NBPF12: variants seen among roughly 807,000 people sequenced by gnomAD.
NBPF12 encodes NBPF member 12.
NBPF12 carries 115 observed loss-of-function variants against 146.4 expected under a neutral mutation model. The observed-to-expected ratio is 0.79, with a 90% CI of 0.68 to 0.92. NBPF12 has a LOEUF of 0.92. Ranked by LOEUF, NBPF12 falls within the 40% of genes least tolerant of loss-of-function variation. NBPF12 has a pLI of 0.00. For missense variants in NBPF12, 1,205 were observed against 1,326.8 expected, an observed-to-expected ratio of 0.91 and a Z score of 1.43; for synonymous variants, 385 against 508.9, an observed-to-expected ratio of 0.76 and a Z score of 3.28.
At chr1:146,972,677 C>T (rs1656731508) in intron 13 of NBPF12, 74 bp from the exon 17 acceptor site, 5 of 1,195,334 alleles carry the variant, frequency 4.2e-6, no homozygotes, top group African/African-American at 3.0e-5. Context: ...CCAGTGACAT[C>T]CCTCAGTCCT....
upstream of NBPF12, among the ~76,000 whole-genome samples, chr1:146,947,197 C>T (rs1428108714): frequency 6.6e-6 from 1 of 151,566 alleles, no homozygotes; most frequent in Non-Finnish European, 1.5e-5. Flanking sequence ...TAAGATTCCC[C>T]CTTAGTCTGG....
chr1:146,995,960 G>A (rs1160460272), exon 34 of NBPF12: 1 of 149,928 alleles, frequency 6.7e-6, no homozygotes, highest in African/African-American at 2.5e-5. Flanking sequence ...GCAAATTTTG[G>A]GTCTCAATTT....
chr1:146,984,876 T>G (rs1191270509), exon 22 of NBPF12: 423,820 of 1,409,058 alleles, frequency 0.3, 56,342 homozygotes, highest in South Asian at 0.49. Flanking sequence ...TGGATAGATG[T>G]TATTCAACTC....
At chr1:146,948,841 G>C (rs1213971841), upstream of NBPF12, among the ~76,000 whole-genome samples, 12 of 151,584 alleles carry the variant, frequency 7.9e-5, 1 homozygote, top group South Asian at 6.3e-4. Flanking sequence ...GGAATGTCTC[G>C]GTGTAAAGCC....
At chr1:146,962,606 C>G (rs1263658254) in intron 5 of NBPF12, among the ~76,000 whole-genome samples, 1 of 151,564 alleles carries the variant, frequency 6.6e-6, no homozygotes, top group East Asian at 1.9e-4. Context: ...TGAGAATCAC[C>G]TTCTGACTGA....
chr1:146,973,572 G>A (rs1328945041), intron 14 of NBPF12, among the ~76,000 whole-genome samples: 3 of 149,228 alleles, frequency 2.0e-5, no homozygotes, highest in Admixed American at 6.7e-5. Context: ...AGTAGAGCAC[G>A]AGGTCAGGAG....
intron 28 of NBPF12, among the ~76,000 whole-genome samples, 177 bp from the exon 32 acceptor site, chr1:146,990,289 C>G (rs1216777286): frequency 2.0e-5 from 1 of 50,148 alleles, no homozygotes; most frequent in South Asian, 1.7e-3. Context: ...GTTTCTGGGA[C>G]AAAAACCAAG....
At chr1:146,957,836 A>T (rs1170947988) in intron 2 of NBPF12, among the ~76,000 whole-genome samples, 30,495 of 118,880 alleles carry the variant, frequency 0.26, 7,893 homozygotes, top group South Asian at 0.47. Flanking sequence ...AGAAAAAAAA[A>T]ATATAATATA....
intron 14 of NBPF12, 53 bp downstream of exon 17, chr1:146,973,013 T>C: frequency 1.2e-6 from 1 of 834,974 alleles, no homozygotes; most frequent in Non-Finnish European, 2.1e-6. Flanking sequence ...TCCTGTCTTC[T>C]CTCTGAGAAA....
chr1:146,952,200 G>T (rs1334164540), intron 2 of NBPF12, among the ~76,000 whole-genome samples: 4,395 of 151,876 alleles, frequency 0.029, 171 homozygotes, highest in African/African-American at 0.1. Flanking sequence ...ATTCAGGCAG[G>T]TTTATTGAAA....
intron 1 of NBPF12, among the ~76,000 whole-genome samples, 185 bp from the exon 5 acceptor site, chr1:146,951,163 G>A (rs1655307855): frequency 6.6e-6 from 1 of 152,096 alleles, no homozygotes. Flanking sequence ...CCACCATGAA[G>A]TTGGGATTCA....
At position 146,958,041 on chromosome 1, in the gene NBPF12, TATTATATACATATAC is replaced by T. The variant is rs2101838408; in HGVS notation, c.-183-1816_-183-1802del. Among the ~76,000 whole-genome samples the T allele has an allele frequency of 4.4e-3, 496 of 112,168 alleles. 11 individuals carry two copies. The highest frequency in any genetic ancestry group is 0.014 in the African/African-American group (475 of 33,492). 73.6% of individuals were successfully genotyped at this position (112,168 alleles called of 152,430 possible). On this transcript the variant is annotated intron_variant, in intron 2 of 33. Transcript: ENST00000617844. The stretch of plus-strand genomic sequence containing the variant: ...AATAATACATATACACGTGTATATA[TATTATATACATATAC>T]ACACGTGTGCCATGTTGGTTTGCTG...
At chr1:146,983,022 T>C in exon 20 of NBPF12, 4 of 1,608,878 alleles carry the variant, frequency 2.5e-6, no homozygotes, top group Non-Finnish European at 3.4e-6. Flanking sequence ...GTTGGCCTCA[T>C]ACCAGTCTTA....
chr1:146,969,960 G>T (rs1273904961), intron 11 of NBPF12, among the ~76,000 whole-genome samples: 6 of 150,634 alleles, frequency 4.0e-5, no homozygotes, highest in Non-Finnish European at 8.8e-5. Flanking sequence ...CTTAGTAAGT[G>T]TCGGTGAGTG....
chr1:146,957,820 TAAAA>T (rs1158677214), intron 2 of NBPF12, among the ~76,000 whole-genome samples: 7 of 99,178 alleles, frequency 7.1e-5, no homozygotes, highest in African/African-American at 2.6e-4. Context: ...CTCCGCCACT[TAAAA>T]AAGAAAAAAA....
At chr1:146,954,209 G>A (rs1655451184) in intron 2 of NBPF12, among the ~76,000 whole-genome samples, 1 of 149,998 alleles carries the variant, frequency 6.7e-6, no homozygotes, top group South Asian at 2.1e-4. Context: ...GCCTAACACA[G>A]TGAAACCCCA....
chr1:146,949,870 T>C (rs1655249044), intron 1 of NBPF12, among the ~76,000 whole-genome samples: 1 of 151,898 alleles, frequency 6.6e-6, no homozygotes, highest in Non-Finnish European at 1.5e-5. Flanking sequence ...AATAACAACT[T>C]ATGGAGTCCT....
rs1205201589 is a variant in NBPF12, at chr1:146,962,594, A to G, written c.278+331A>G. 1.9e-4 allele frequency among the ~76,000 whole-genome samples: 29 copies of G among 151,776 alleles called. No homozygotes were observed. In the East Asian group the frequency reaches 5.4e-3, roughly 28 times the overall value. The stretch of plus-strand genomic sequence containing the variant: ...TGCTATTGCCACCCCACTTACCCTT[A>G]GTGAGAATCACCTTCTGACTGACTG... On this transcript the variant is annotated intron_variant, in intron 5 of 33. Transcript: ENST00000617844.
intron 8 of NBPF12, among the ~76,000 whole-genome samples, chr1:146,965,455 C>G (rs1338715805): frequency 2.8e-5 from 4 of 141,848 alleles, no homozygotes; most frequent in Non-Finnish European, 6.1e-5. Context: ...TTCTGTCAGG[C>G]TAGACTCTCT....
Sources: gnomAD v4.1 joint callset for allele counts (sites outside exome capture counted in the v4.1 genomes callset) on GRCh38, gnomAD v4.1.1 for gene constraint, MANE v1.5 for transcripts, NCBI Gene and HGNC (gene_info 2026-07-23, HGNC 2026-07-21) for gene names.